The following SPATS2 variants were observed in gnomAD, a reference collection of about 807,000 sequenced individuals.
SPATS2 encodes the protein spermatogenesis associated serine rich 2, also known as spermatogenesis-associated serine-rich protein 2.
SPATS2 carries 38 observed loss-of-function variants against 63.7 expected under a neutral mutation model. The ratio of observed to expected loss-of-function variants is 0.60; its 90% CI spans 0.46 to 0.78. The LOEUF is 0.78. Ranked by LOEUF, SPATS2 falls within the 30% of genes least tolerant of loss-of-function variation. The pLI is 0.00. For missense variants in SPATS2, 588 were observed against 666.2 expected, an observed-to-expected ratio of 0.88 and a Z score of 1.29; for synonymous variants, 207 against 232.9, an observed-to-expected ratio of 0.89 and a Z score of 1.01.
intron 3 of SPATS2, among the ~76,000 whole-genome samples, chr12:49,472,480 A>C (rs1946051778): frequency 6.6e-6 from 1 of 151,562 alleles, no homozygotes; most frequent in Non-Finnish European, 1.5e-5. Context: ...TGGGAGAAGA[A>C]ACTTGGATTA....
In SPATS2 at chr12:49,460,756, G is replaced by A. The variant is rs1317010558; in HGVS notation, c.-243-14G>A. The A allele has an allele frequency of 5.7e-6, 3 of 522,268 alleles. No homozygotes were observed. Among genetic ancestry groups the A allele is most frequent in the Non-Finnish European group, 1.0e-5 (3 of 291,726 alleles). The allele number at this position is 522,268 out of a possible 1,614,324, so 32.4% of individuals were successfully genotyped here. ...ACTGTAATAGTATATGTGTGTTTGT[G>A]TTTTTCCCTCCAGAATCTCCCTGGA... On this transcript the variant is annotated splice_polypyrimidine_tract_variant and intron_variant, in intron 2 of 13. Coordinates refer to ENST00000552918, the MANE Select transcript of SPATS2 (RefSeq NM_023071.4).
At chr12:49,444,184 T>C (rs1945471611) in intron 2 of SPATS2, among the ~76,000 whole-genome samples, 1 of 151,846 alleles carries the variant, frequency 6.6e-6, no homozygotes, top group African/African-American at 2.4e-5. Flanking sequence ...ACATCTGTTA[T>C]TTTTATTCCT....
At chr12:49,390,470 A>G (rs1183795046) in intron 2 of SPATS2, among the ~76,000 whole-genome samples, 1 of 152,222 alleles carries the variant, frequency 6.6e-6, no homozygotes, top group Non-Finnish European at 1.5e-5. Flanking sequence ...AAACTTGAAT[A>G]TTCCCAATAA....
At chr12:49,489,406 C>T (rs757526768) in intron 4 of SPATS2, 59 bp from the exon 5 acceptor site, 346 of 1,308,000 alleles carry the variant, frequency 2.6e-4, no homozygotes, top group Non-Finnish European at 3.6e-4. Flanking sequence ...TCTGTATAGG[C>T]CTCAGCTGCC....
At chr12:49,394,810 G>A (rs1157259167) in intron 2 of SPATS2, among the ~76,000 whole-genome samples, 2 of 152,010 alleles carry the variant, frequency 1.3e-5, no homozygotes, top group Admixed American at 6.6e-5. Context: ...GGTGCCTCAC[G>A]CCTGTAATCC....
intron 2 of SPATS2, among the ~76,000 whole-genome samples, chr12:49,376,092 ATTTTTTT>A (rs749954777): frequency 1.9e-4 from 15 of 81,068 alleles, no homozygotes; most frequent in Admixed American, 4.3e-4. Context: ...ACCTGGCCTG[ATTTTTTT>A]TTTTTTTTTT....
intron 9 of SPATS2, among the ~76,000 whole-genome samples, chr12:49,509,823 AAAAG>A (rs1350569114): frequency 6.6e-6 from 1 of 151,794 alleles, no homozygotes; most frequent in Admixed American, 6.6e-5. Flanking sequence ...AAAAAAAAAA[AAAAG>A]GGAAGGAAAA....
intron 10 of SPATS2, 144 bp from the exon 11 acceptor site, chr12:49,518,929 C>G: frequency 1.9e-6 from 1 of 522,298 alleles, no homozygotes; most frequent in Non-Finnish European, 3.2e-6. Flanking sequence ...AGGTAGAGAC[C>G]AGACTTTTGA....
chr12:49,524,826 A>G lies in SPATS2; in HGVS notation c.1256A>G (p.Asn419Ser), dbSNP rs535798196. ...AGCCTTACAAGTGCTAACAAGAAAA[A>G]CTTTGCACCGGGAGAGACTCCTGCA... Reference protein sequence around the residue: ...PPSLTSANKKNFAPGETPAAI... With the variant: ...PPSLTSANKKSFAPGETPAAI... Residue 419 changes from asparagine (N) to serine (S), a missense_variant, in exon 13 of 14, where the codon AAC becomes AGC. By Grantham distance (46) the Asn-to-Ser change is conservative (BLOSUM62 1). Transcript: ENST00000552918. 1.9e-6 allele frequency: 3 copies of G among 1,613,834 alleles called. No individual in the cohort carries two copies. The highest frequency in any genetic ancestry group is 1.1e-5 in the South Asian group (1 of 91,066).
chr12:49,436,732 G>A (rs1945304762), intron 2 of SPATS2, among the ~76,000 whole-genome samples: 2 of 147,062 alleles, frequency 1.4e-5, no homozygotes, highest in African/African-American at 5.0e-5. Context: ...CCGGGCGGGG[G>A]GCTGACCCCC....
chr12:49,455,884 A>G (rs1043482614), intron 2 of SPATS2, among the ~76,000 whole-genome samples: 5 of 152,198 alleles, frequency 3.3e-5, no homozygotes, highest in African/African-American at 1.2e-4. Flanking sequence ...GGCCTCCCAA[A>G]GTGCTGGGAC....
At chr12:49,389,545 T>C (rs2137237578) in intron 2 of SPATS2, 4 of 983,034 alleles carry the variant, frequency 4.1e-6, no homozygotes, top group Non-Finnish European at 6.6e-6. Flanking sequence ...AGGCACTTGC[T>C]GATGCTAAAA....
chr12:49,378,723 G>A (rs1944156190), intron 2 of SPATS2, among the ~76,000 whole-genome samples: 1 of 152,072 alleles, frequency 6.6e-6, no homozygotes, highest in Non-Finnish European at 1.5e-5. Context: ...TGTCTCCCAA[G>A]TAGCTGGGAC....
chr12:49,446,915 C>T (rs1945520818), intron 2 of SPATS2, among the ~76,000 whole-genome samples: 1 of 151,056 alleles, frequency 6.6e-6, no homozygotes. Context: ...GAATGTTCTT[C>T]TATTTTCTTT....
intron 3 of SPATS2, among the ~76,000 whole-genome samples, chr12:49,482,917 T>G (rs555732448): frequency 2.0e-4 from 30 of 151,876 alleles, no homozygotes; most frequent in African/African-American, 7.2e-4. Flanking sequence ...CCCTCCCAAT[T>G]AGCTGGGGCT....
chr12:49,418,543 G>A (rs187402219), intron 2 of SPATS2, among the ~76,000 whole-genome samples: 157 of 151,998 alleles, frequency 1.0e-3, no homozygotes, highest in Admixed American at 9.2e-3. Flanking sequence ...CAGGTTATCC[G>A]CCTCCCTCAG....
At chr12:49,436,978 T>C (rs1239180100) in intron 2 of SPATS2, among the ~76,000 whole-genome samples, 1 of 146,738 alleles carries the variant, frequency 6.8e-6, no homozygotes, top group East Asian at 2.1e-4. Context: ...CCACCTCCAT[T>C]CCGGACTGGG....
rs1001273846 is a variant in SPATS2 at position 49,526,007 on chromosome 12, C to G, written c.1390C>G (p.Pro464Ala). The G allele has an allele frequency of 4.3e-6, 7 of 1,614,100 alleles. No individual in the cohort carries two copies. The highest frequency in any genetic ancestry group is 2.2e-5 in the East Asian group (1 of 44,902). The change falls in exon 14 of 14, where the codon CCC becomes GCC. Residue 464 changes from proline to alanine, a missense_variant. Physicochemically the swap from Pro to Ala is conservative, Grantham distance 27 (BLOSUM62 -1). Transcript: ENST00000552918. ...YRPQGQKSND[P>A]MNQGRHDSMG... ...GCCACAAGGCCAAAAGTCCAATGAC[C>G]CCATGAACCAAGGGCGGCATGACAG...
chr12:49,375,164 G>A (rs1438466432), intron 2 of SPATS2, among the ~76,000 whole-genome samples: 1 of 133,006 alleles, frequency 7.5e-6, no homozygotes, highest in Non-Finnish European at 1.6e-5. Flanking sequence ...GTGTGTGTGT[G>A]TGTGTGTGTG....
Sources: allele counts gnomAD v4.1 joint callset (sites outside exome capture counted in the v4.1 genomes callset), GRCh38; gene constraint gnomAD v4.1.1; transcripts MANE v1.5; gene names NCBI Gene and HGNC (gene_info 2026-07-23, HGNC 2026-07-21).